Variants in DDHD2 observed in about 807,000 individuals in gnomAD.
DDHD2 encodes the protein triacylglycerol hydrolase DDHD2.
Under a neutral mutation model 91.2 loss-of-function variants are expected in DDHD2, and 62 were observed. The ratio of observed to expected loss-of-function variants is 0.68; its 90% CI spans 0.55 to 0.84. The LOEUF is 0.84. DDHD2 is among the 40% of genes least tolerant of loss of function. The pLI, the probability that DDHD2 is intolerant of heterozygous loss-of-function variation, is 0.00. For missense variants in DDHD2, 740 were observed against 846.9 expected, an observed-to-expected ratio of 0.87 and a Z score of 1.57; for synonymous variants, 271 against 293.9, an observed-to-expected ratio of 0.92 and a Z score of 0.80.
chr8:38,251,971 G>A lies in DDHD2; in HGVS notation c.1404G>A (p.Glu468=). 1 of 1,614,184 alleles carries A rather than the reference G, an allele frequency of 6.2e-7. No individual in the cohort carries two copies. The highest frequency in any genetic ancestry group is 1.1e-5 in the South Asian group (1 of 91,086). ...ASGANIPKES[E]FCSSSNTRNG... ...GGGCAAACATCCCCAAAGAATCTGAGTTCTGCAGTAGCAGTAATACTAGAA... is the reference window on the plus strand; with the variant it reads ...GGGCAAACATCCCCAAAGAATCTGAATTCTGCAGTAGCAGTAATACTAGAA... The change falls in exon 12 of 18, where the codon GAG becomes GAA. Residue 468 remains glutamate, a synonymous_variant. Coordinates refer to ENST00000397166, the MANE Select transcript of DDHD2 (RefSeq NM_015214.3).
At chr8:38,258,807 A>G (rs1041704782) in intron 16 of DDHD2, among the ~76,000 whole-genome samples, 3 of 152,242 alleles carry the variant, frequency 2.0e-5, no homozygotes, top group African/African-American at 7.2e-5. Flanking sequence ...TAGATTCTCA[A>G]AAGGATGCAT....
At position 38,261,180 on chromosome 8, in the gene DDHD2, T is replaced by C. The variant is rs1467525787; in HGVS notation, c.*607T>C. On this transcript the variant is annotated 3_prime_UTR_variant, in exon 18 of 18. Transcript: ENST00000397166. ...TTTAAAAAAGTGTTGTTTACTCTCT[T>C]AGAACTGACAGACTTATTGCCAGAA... 2.6e-5 allele frequency: 4 copies of C among 152,244 alleles called. No individual in the cohort carries two copies. Among genetic ancestry groups the C allele is most frequent in the Non-Finnish European group, 5.9e-5 (4 of 68,036 alleles). The allele number at this position is 152,244 out of a possible 1,614,324, so 9.4% of individuals were successfully genotyped here. A position where few individuals can be genotyped will look rare whatever the true frequency, so the allele number is the denominator to read the frequency against.
downstream of DDHD2, chr8:38,267,778 T>G: frequency 9.4e-7 from 1 of 1,066,950 alleles, no homozygotes; most frequent in African/African-American, 1.6e-5. Flanking sequence ...AAAAGAAAAA[T>G]CAGAGTGAAG....
chr8:38,233,608 C>T (rs1452085468), intron 2 of DDHD2, among the ~76,000 whole-genome samples: 1 of 150,356 alleles, frequency 6.7e-6, no homozygotes, highest in African/African-American at 2.4e-5. Context: ...CTTTAATGTT[C>T]TAGCTTATGT....
At position 38,261,173 on chromosome 8, in the gene DDHD2, ACT is replaced by A. The variant is rs968228332; in HGVS notation, c.*605_*606del. 1.3e-5 allele frequency: 2 copies of A among 151,942 alleles called. No homozygotes were observed. Among genetic ancestry groups the A allele is most frequent in the Admixed American group, 1.3e-4 (2 of 15,272 alleles). 9.4% of individuals were successfully genotyped at this position (151,942 alleles called of 1,614,324 possible). On this transcript the variant is annotated 3_prime_UTR_variant, in exon 18 of 18. Transcript: ENST00000397166. ...ATGTAGCTTTAAAAAAGTGTTGTTT[ACT>A]CTCTTAGAACTGACAGACTTATTGC... is the stretch of plus-strand genomic sequence containing the variant.
At chr8:38,246,099 G>A (rs994002649) in intron 8 of DDHD2, 134 bp from the exon 9 acceptor site, 35 of 1,098,026 alleles carry the variant, frequency 3.2e-5, no homozygotes, top group Middle Eastern at 2.8e-4. Context: ...GAAGGGTGGC[G>A]GTAAATTGGA....
chr8:38,240,216 T>G, intron 5 of DDHD2, 59 bp from the exon 6 acceptor site: 4 of 981,128 alleles, frequency 4.1e-6, no homozygotes, highest in Admixed American at 2.0e-5. Context: ...TCATGATGAA[T>G]GATATTAGAA....
rs1460885657 is a variant in DDHD2 at position 38,253,688 on chromosome 8, T to C, written c.2024T>C (p.Leu675Ser). The change falls in exon 16 of 18, where the codon TTA becomes TCA. Residue 675 changes from leucine to serine, a missense_variant. Leu to Ser is a moderately radical substitution (Grantham distance 145). Around this residue, in one of 2 missense-constraint regions of DDHD2, gnomAD observed 47 missense variants for 82.6 expected, o/e 0.57. Transcript: ENST00000397166. ...EKPIESFNEY[L>S]FALQSHLCYW... ...CCTATTGAAAGTTTTAATGAGTATT[T>C]ATTTGCTTTACAAAGCCATCTATGC... 3 of 1,614,122 alleles carry C rather than the reference T, an allele frequency of 1.9e-6. No homozygotes were observed. The highest frequency in any genetic ancestry group is 2.5e-6 in the Non-Finnish European group (3 of 1,179,972).
intron 2 of DDHD2, 136 bp downstream of exon 2, chr8:38,233,350 A>G (rs1205423118): frequency 7.8e-6 from 5 of 640,006 alleles, no homozygotes; most frequent in African/African-American, 1.8e-5. Flanking sequence ...AGCATTTTAT[A>G]TAGAACTTCT....
chr8:38,251,785 G>T (rs574969389), intron 11 of DDHD2, 127 bp from the exon 12 acceptor site: 1 of 628,898 alleles, frequency 1.6e-6, no homozygotes, highest in African/African-American at 1.8e-5. Flanking sequence ...TGTTGCCCAC[G>T]TTGGACTTGA....
At chr8:38,267,744 G>A (rs1308455033), downstream of DDHD2, 1 of 798,508 alleles carries the variant, frequency 1.3e-6, no homozygotes. Flanking sequence ...TGAGGTATGG[G>A]GAAGGGAGTA....
At chr8:38,264,640 T>G, downstream of DDHD2, 1 of 1,549,944 alleles carries the variant, frequency 6.5e-7, no homozygotes, top group South Asian at 1.2e-5. Context: ...CTCTTAATAT[T>G]AGGCTCCTAA....
At chr8:38,244,552 G>GC (rs1425043182) in intron 7 of DDHD2, among the ~76,000 whole-genome samples, 9 of 150,364 alleles carry the variant, frequency 6.0e-5, no homozygotes, top group East Asian at 5.9e-4. Flanking sequence ...CACTGCGCCG[G>GC]CCTGAACAGT....
At chr8:38,246,604 G>A (rs958539894) in intron 9 of DDHD2, among the ~76,000 whole-genome samples, 2 of 152,228 alleles carry the variant, frequency 1.3e-5, no homozygotes, top group Non-Finnish European at 2.9e-5. Context: ...CACTTTGAGA[G>A]GCTGAGACTG....
intron 1 of DDHD2, chr8:38,271,055 T>A (rs1350320933): frequency 6.6e-6 from 1 of 152,050 alleles, no homozygotes; most frequent in African/African-American, 2.4e-5. Context: ...GGGGAGAGGG[T>A]TGACAAAATG....
At position 38,260,741 on chromosome 8, in the gene DDHD2, A is replaced by G. The variant is rs1388718715; in HGVS notation, c.*168A>G. 6.5e-6 allele frequency: 1 copy of G among 152,686 alleles called. No homozygotes were observed. 9.5% of individuals were successfully genotyped at this position (152,686 alleles called of 1,614,324 possible). A position where few individuals can be genotyped will look rare whatever the true frequency, so the allele number is the denominator to read the frequency against. On this transcript the variant is annotated 3_prime_UTR_variant, in exon 18 of 18. Coordinates refer to ENST00000397166, the MANE Select transcript of DDHD2 (RefSeq NM_015214.3). ...TGGAAGATAATCTTCCTCTTTGGAA[A>G]TGAATGGAAAAGCAAAAGGCCCTAT... is the stretch of plus-strand genomic sequence containing the variant.
At chr8:38,242,046 T>G (rs1283265522) in intron 6 of DDHD2, 8 of 489,534 alleles carry the variant, frequency 1.6e-5, no homozygotes, top group Non-Finnish European at 2.9e-5. Context: ...AGAGCAGTAC[T>G]CCATCTCAAA....
intron 11 of DDHD2, chr8:38,251,000 C>T (rs945249060): frequency 5.3e-5 from 8 of 152,194 alleles, no homozygotes; most frequent in African/African-American, 1.9e-4. Context: ...AGTACTTCCA[C>T]ATTCAGTTTT....
intron 7 of DDHD2, among the ~76,000 whole-genome samples, chr8:38,243,704 T>C (rs1027587382): frequency 1.3e-5 from 2 of 151,886 alleles, no homozygotes; most frequent in Non-Finnish European, 2.9e-5. Flanking sequence ...CACAGCTCAC[T>C]GCAGCCTGGA....
Sources: gnomAD v4.1 joint callset for allele counts (sites outside exome capture counted in the v4.1 genomes callset) on GRCh38, gnomAD v4.1.1 for gene constraint, gnomAD v4.1.1 regional missense constraint, MANE v1.5 for transcripts, NCBI Gene and HGNC (gene_info 2026-07-23, HGNC 2026-07-21) for gene names.